Variants in CCP110 observed in about 807,000 individuals in gnomAD.
CCP110 encodes the protein centriolar coiled-coil protein 110.
A neutral mutation model predicts 105.5 loss-of-function variants in CCP110; 43 were observed. That is an observed-to-expected ratio of 0.41 (90% CI 0.32 to 0.53). The LOEUF (loss-of-function observed/expected upper bound fraction) is 0.53, where lower values mean the gene tolerates loss of function less well. Ranked by LOEUF, CCP110 falls within the 20% of genes least tolerant of loss-of-function variation. The pLI is 0.32. For synonymous variants in CCP110, 353 were observed against 392.1 expected, an observed-to-expected ratio of 0.90 and a Z score of 1.18; for missense variants, 1,016 against 1,189.1, an observed-to-expected ratio of 0.85 and a Z score of 2.14.
intron 3 of CCP110, 150 bp downstream of exon 3, chr16:19,532,694 C>A: frequency 1.6e-6 from 1 of 612,352 alleles, no homozygotes. Context: ...TTTTCCATTT[C>A]AGTTACTCCA....
At chr16:19,535,516 C>T (rs77581424) in intron 3 of CCP110, among the ~76,000 whole-genome samples, 5,933 of 152,178 alleles carry the variant, frequency 0.039, 239 homozygotes, top group East Asian at 0.18. Context: ...CTGTTTATTG[C>T]ATATATTATT....
chr16:19,528,422 A>G (rs898186669), intron 2 of CCP110, among the ~76,000 whole-genome samples: 1 of 152,258 alleles, frequency 6.6e-6, no homozygotes, highest in Non-Finnish European at 1.5e-5. Flanking sequence ...AAGGTTGACG[A>G]ACCACCTAAA....
intron 3 of CCP110, among the ~76,000 whole-genome samples, chr16:19,534,028 T>C (rs761091701): frequency 2.0e-5 from 3 of 151,902 alleles, no homozygotes; most frequent in Admixed American, 1.3e-4. Context: ...GGCTGAGAGG[T>C]AGTATTAAGA....
chr16:19,551,857 G>C (rs1597285922), exon 15 of CCP110: 1 of 152,224 alleles, frequency 6.6e-6, no homozygotes, highest in South Asian at 2.1e-4. Flanking sequence ...CAGACAACTA[G>C]TTGTCTGACA....
chr16:19,534,428 C>G (rs750695175), intron 3 of CCP110, among the ~76,000 whole-genome samples: 4 of 152,048 alleles, frequency 2.6e-5, no homozygotes, highest in African/African-American at 4.8e-5. Flanking sequence ...ACCTAAGATT[C>G]TATGATAGAT....
At position 19,537,037 on chromosome 16, in the gene CCP110, TAAATC is replaced by T. The variant is rs1271169882; in HGVS notation, c.1375_1379del (p.Asn459GlyfsTer12). The stretch of plus-strand genomic sequence containing the variant: ...AAGTCAAAGAAGATGTGGTTTTAGG[TAAATC>T]AAATCAGGTATGTCAATCTTCAGGA... On this transcript the variant is annotated frameshift_variant, in exon 4 of 15. Coordinates refer to ENST00000381396, the Ensembl canonical transcript of CCP110. LOFTEE classifies it high-confidence loss of function. 1 of 1,614,216 alleles carries T rather than the reference TAAATC, an allele frequency of 6.2e-7. No homozygotes were observed. Among genetic ancestry groups the T allele is most frequent in the Non-Finnish European group, 8.5e-7 (1 of 1,180,034 alleles).
At chr16:19,526,793 T>A (rs1484761710) in intron 1 of CCP110, 2 of 152,200 alleles carry the variant, frequency 1.3e-5, no homozygotes, top group Non-Finnish European at 2.9e-5. Context: ...TCTTTGCATA[T>A]CCCACATCAT....
exon 4 of CCP110, chr16:19,536,467 T>A: frequency 6.2e-7 from 1 of 1,614,058 alleles, no homozygotes. Context: ...AAGAACATGA[T>A]GCTGTTGAAG....
chr16:19,546,229 T>G, intron 11 of CCP110, 183 bp from the exon 12 acceptor site: 1 of 525,894 alleles, frequency 1.9e-6, no homozygotes, highest in Non-Finnish European at 3.3e-6. Flanking sequence ...GAAAAATATC[T>G]TAATAACTTT....
exon 15 of CCP110, chr16:19,552,221 C>A (rs1970662972): frequency 6.6e-6 from 1 of 152,126 alleles, no homozygotes; most frequent in African/African-American, 2.4e-5. Flanking sequence ...TTTTTCATCA[C>A]TAACATATCC....
exon 2 of CCP110, chr16:19,527,948 G>C (rs777342846): frequency 6.2e-7 from 1 of 1,613,710 alleles, no homozygotes; most frequent in East Asian, 2.2e-5. Flanking sequence ...ACTATCCACA[G>C]AGAGCTTTCT....
At chr16:19,547,912 A>AATTTAACCT in intron 12 of CCP110, 43 bp from the exon 13 acceptor site, 1 of 1,388,306 alleles carries the variant, frequency 7.2e-7, no homozygotes, top group East Asian at 2.3e-5. Flanking sequence ...GAAAAAATGG[A>AATTTAACCT]ATTTAACCTA....
exon 4 of CCP110, chr16:19,536,720 A>G (rs369101517): frequency 6.2e-7 from 1 of 1,614,074 alleles, no homozygotes; most frequent in Non-Finnish European, 8.5e-7. Context: ...TGTTACCGAA[A>G]ATAATGTTAT....
At chr16:19,539,371 T>A (rs200675464) in intron 4 of CCP110, among the ~76,000 whole-genome samples, 19 of 61,608 alleles carry the variant, frequency 3.1e-4, no homozygotes, top group African/African-American at 1.8e-3. Flanking sequence ...TTTTTTTTAA[T>A]TTTTTTTTTT....
chr16:19,528,256 G>T (rs1338161340), intron 2 of CCP110, among the ~76,000 whole-genome samples: 1 of 152,166 alleles, frequency 6.6e-6, no homozygotes. Context: ...TTTGCTAAGA[G>T]AATCAGTTTA....
At chr16:19,538,044 G>T (rs750695067) in intron 4 of CCP110, among the ~76,000 whole-genome samples, 22 of 152,024 alleles carry the variant, frequency 1.4e-4, no homozygotes, top group African/African-American at 5.3e-4. Flanking sequence ...GATTACAGGC[G>T]TGAGCCACGA....
chr16:19,542,082 C>T lies in CCP110; in HGVS notation c.2227+18C>T. The T allele has an allele frequency of 2.0e-6, 3 of 1,510,350 alleles. No homozygotes were observed. In the South Asian group the frequency reaches 3.8e-5, roughly 19 times the overall value. The allele number at this position is 1,510,350 out of a possible 1,614,324, so 93.6% of individuals were successfully genotyped here. On this transcript the variant is annotated intron_variant, in intron 6 of 14. Coordinates refer to ENST00000381396, the Ensembl canonical transcript of CCP110. ...TAGTTCTGGTAAATATTTAAAAATCCTTTTACATTTGGGAAAGTGATCCTA... is the reference window on the plus strand; with the variant it reads ...TAGTTCTGGTAAATATTTAAAAATCTTTTTACATTTGGGAAAGTGATCCTA...
chr16:19,531,612 T>G (rs1189687915), intron 2 of CCP110, among the ~76,000 whole-genome samples: 2 of 152,184 alleles, frequency 1.3e-5, no homozygotes, highest in Non-Finnish European at 2.9e-5. Context: ...CAGCAAAGAG[T>G]TAAATTGTGC....
exon 4 of CCP110, chr16:19,536,529 C>T: frequency 1.2e-6 from 2 of 1,614,070 alleles, no homozygotes; most frequent in Middle Eastern, 1.6e-4. Flanking sequence ...CACTGTGTCT[C>T]AGTTATTCCT....
Sources: allele counts gnomAD v4.1 joint callset (sites outside exome capture counted in the v4.1 genomes callset), GRCh38; gene constraint gnomAD v4.1.1; transcripts MANE v1.5; gene names NCBI Gene and HGNC (gene_info 2026-07-23, HGNC 2026-07-21).